GTF2E2: variants seen among roughly 807,000 people sequenced by gnomAD.
GTF2E2 encodes the protein general transcription factor IIE subunit 2, also known as transcription initiation factor IIE subunit beta.
In GTF2E2, 21 loss-of-function variants were observed where a neutral mutation model predicts 40.5. That is an observed-to-expected ratio of 0.52 (90% CI 0.37 to 0.75). The LOEUF is 0.75. Among genes scored for constraint, GTF2E2 ranks in the 30% least tolerant of loss-of-function variants. GTF2E2 has a pLI of 0.00. For synonymous variants in GTF2E2, 117 were observed against 121.6 expected, an observed-to-expected ratio of 0.96 and a Z score of 0.25; for missense variants, 298 against 338.4, an observed-to-expected ratio of 0.88 and a Z score of 0.94.
intron 2 of GTF2E2, among the ~76,000 whole-genome samples, chr8:30,641,337 ATAG>A (rs1409358818): frequency 6.6e-6 from 1 of 152,040 alleles, no homozygotes. Context: ...GGTGTTACCT[ATAG>A]TTATTATTAA....
At chr8:30,619,577 C>T (rs1430713278) in intron 3 of GTF2E2, among the ~76,000 whole-genome samples, 9 of 151,176 alleles carry the variant, frequency 6.0e-5, no homozygotes, top group East Asian at 1.9e-4. Context: ...TTAGTAGAGA[C>T]GGGGTTTCAC....
chr8:30,599,383 G>C (rs1264273960), intron 6 of GTF2E2, among the ~76,000 whole-genome samples: 1 of 151,968 alleles, frequency 6.6e-6, no homozygotes, highest in Non-Finnish European at 1.5e-5. Context: ...TCAAGAACTA[G>C]CCTGGCCAAC....
intron 6 of GTF2E2, among the ~76,000 whole-genome samples, chr8:30,601,138 T>C (rs1381561312): frequency 6.6e-6 from 1 of 152,224 alleles, no homozygotes; most frequent in Admixed American, 6.5e-5. Context: ...AAGGTTCCTG[T>C]AAATGGCTGT....
intron 6 of GTF2E2, among the ~76,000 whole-genome samples, chr8:30,585,771 TTAAA>T (rs1239339356): frequency 4.6e-4 from 35 of 76,188 alleles, no homozygotes; most frequent in African/African-American, 2.1e-3. Flanking sequence ...TCTTTGCCCT[TTAAA>T]AAAAAAAAAA....
chr8:30,623,504 G>C (rs1801174895), intron 3 of GTF2E2, among the ~76,000 whole-genome samples: 1 of 152,116 alleles, frequency 6.6e-6, no homozygotes, highest in Admixed American at 6.5e-5. Flanking sequence ...ACAGCAGCAT[G>C]ATTTATAATC....
chr8:30,650,353 GATAC>G (rs1802231718), intron 2 of GTF2E2, among the ~76,000 whole-genome samples: 1 of 151,992 alleles, frequency 6.6e-6, no homozygotes, highest in Non-Finnish European at 1.5e-5. Context: ...CATCTCATTA[GATAC>G]ATAAAAAGCA....
At chr8:30,636,873 A>AG in intron 2 of GTF2E2, 2 of 363,612 alleles carry the variant, frequency 5.5e-6, no homozygotes, top group Admixed American at 4.1e-5. Flanking sequence ...AAAAAAAAAA[A>AG]AGAATGCCTT....
At chr8:30,631,363 T>A (rs1239865696) in intron 3 of GTF2E2, among the ~76,000 whole-genome samples, 1 of 152,210 alleles carries the variant, frequency 6.6e-6, no homozygotes, top group African/African-American at 2.4e-5. Context: ...CCTGAATATT[T>A]ATTAGCTTGA....
chr8:30,632,199 G>A (rs762187685), intron 3 of GTF2E2, among the ~76,000 whole-genome samples: 20 of 152,158 alleles, frequency 1.3e-4, no homozygotes, highest in Non-Finnish European at 2.8e-4. Context: ...AATCTAACAT[G>A]ACAAGCAGCG....
chr8:30,646,091 T>C, intron 2 of GTF2E2: 1 of 152,280 alleles, frequency 6.6e-6, no homozygotes, highest in East Asian at 1.9e-4. Flanking sequence ...CTTATATAAA[T>C]ATATAATGAC....
chr8:30,624,594 A>C (rs961992584), intron 3 of GTF2E2, among the ~76,000 whole-genome samples: 1 of 152,028 alleles, frequency 6.6e-6, no homozygotes, highest in African/African-American at 2.4e-5. Context: ...TCTATAAATT[A>C]CCTTGGGCAG....
intron 6 of GTF2E2, among the ~76,000 whole-genome samples, chr8:30,602,602 C>T (rs925188207): frequency 6.6e-6 from 1 of 151,800 alleles, no homozygotes; most frequent in African/African-American, 2.4e-5. Context: ...ACTAAAAATA[C>T]AAAATTAGCC....
chr8:30,583,798 T>A (rs1828587384), intron 6 of GTF2E2, among the ~76,000 whole-genome samples: 3 of 150,894 alleles, frequency 2.0e-5, no homozygotes, highest in South Asian at 4.2e-4. Context: ...TATTTATTTA[T>A]TTTATTTATT....
At chr8:30,580,585 T>C (rs778118187) in intron 6 of GTF2E2, among the ~76,000 whole-genome samples, 189 bp from the exon 7 acceptor site, 1 of 152,160 alleles carries the variant, frequency 6.6e-6, no homozygotes, top group African/African-American at 2.4e-5. Flanking sequence ...GAGACAGAAC[T>C]GCACCCACAC....
chr8:30,631,573 T>G (rs1044962157), intron 3 of GTF2E2, among the ~76,000 whole-genome samples: 1 of 152,264 alleles, frequency 6.6e-6, no homozygotes, highest in Non-Finnish European at 1.5e-5. Context: ...CATTAAAGTT[T>G]TATTCTAATT....
chr8:30,654,909 G>C (rs147306018), intron 1 of GTF2E2, among the ~76,000 whole-genome samples: 1 of 152,316 alleles, frequency 6.6e-6, no homozygotes, highest in Non-Finnish European at 1.5e-5. Context: ...CAATTATTAA[G>C]TGATGAAGAG....
intron 3 of GTF2E2, among the ~76,000 whole-genome samples, chr8:30,627,250 T>C (rs1316893529): frequency 6.6e-6 from 1 of 152,106 alleles, no homozygotes; most frequent in Non-Finnish European, 1.5e-5. Context: ...ATATGTCTTG[T>C]AAATTTTTTT....
intron 7 of GTF2E2, among the ~76,000 whole-genome samples, chr8:30,579,644 A>C (rs911935865): frequency 3.9e-5 from 6 of 152,186 alleles, no homozygotes; most frequent in Admixed American, 3.9e-4. Context: ...CACAGGTGAC[A>C]AGCTATGAAG....
chr8:30,598,311 A>C (rs1829072448), intron 6 of GTF2E2, among the ~76,000 whole-genome samples: 1 of 152,220 alleles, frequency 6.6e-6, no homozygotes, highest in Non-Finnish European at 1.5e-5. Context: ...CGGACCTCTT[A>C]TGACACAATC....
Sources: allele counts gnomAD v4.1 joint callset (sites outside exome capture counted in the v4.1 genomes callset), GRCh38; gene constraint gnomAD v4.1.1; transcripts MANE v1.5; gene names NCBI Gene and HGNC (gene_info 2026-07-23, HGNC 2026-07-21).